The following CCDC7 variants were observed in gnomAD, a reference collection of about 807,000 sequenced individuals.
CCDC7 encodes coiled-coil domain containing 7, also known as coiled-coil domain-containing protein 7.
In CCDC7, 183 loss-of-function variants were observed where a neutral mutation model predicts 196.9. The observed-to-expected ratio is 0.93, with a 90% CI of 0.82 to 1.05. CCDC7 has a LOEUF of 1.05. Ranked by LOEUF, CCDC7 falls within the 50% of genes least tolerant of loss-of-function variation. The pLI is 0.00. For synonymous variants in CCDC7, 525 were observed against 484.6 expected (o/e 1.08, Z -1.10); for missense variants, 1,540 against 1,482.2 (o/e 1.04, Z -0.64).
chr10:32,780,711 G>A (rs2080914776), intron 29 of CCDC7, among the ~76,000 whole-genome samples: 1 of 152,032 alleles, frequency 6.6e-6, no homozygotes, highest in Admixed American at 6.6e-5. Context: ...TGGAATTAGA[G>A]GAAATGAAGA....
upstream of CCDC7, among the ~76,000 whole-genome samples, chr10:32,448,930 T>C (rs1028925284): frequency 6.6e-6 from 1 of 152,158 alleles, no homozygotes; most frequent in African/African-American, 2.4e-5. Context: ...CATTATTTTT[T>C]ATTCTTCAGC....
chr10:32,587,545 G>A lies in CCDC7; in HGVS notation c.1801+3241G>A, dbSNP rs150323346. Among the ~76,000 whole-genome samples, 34 of 152,300 alleles carry A rather than the reference G, an allele frequency of 2.2e-4. No individual in the cohort carries two copies. The East Asian group carries it at 4.6e-3, about 21-fold the overall frequency. ...AAAGAGCCTAACTCTCAACATTGTT[G>A]CACCAGGGATTAAGTTTCTAGTATA... is the stretch of plus-strand genomic sequence containing the variant. On this transcript the variant is annotated intron_variant, in intron 18 of 41. Transcript: ENST00000639629.
At chr10:32,672,704 T>TA (rs2074276622) in intron 21 of CCDC7, among the ~76,000 whole-genome samples, 1 of 152,140 alleles carries the variant, frequency 6.6e-6, no homozygotes, top group Non-Finnish European at 1.5e-5. Flanking sequence ...CTGATGCCCA[T>TA]AGCCTCCACC....
intron 18 of CCDC7, among the ~76,000 whole-genome samples, chr10:32,616,901 C>T (rs1228865073): frequency 6.6e-6 from 1 of 151,506 alleles, no homozygotes; most frequent in African/African-American, 2.4e-5. Context: ...TTTTTCTGTG[C>T]CTGTTGAAAT....
At chr10:32,680,427 C>CT (rs34351891) in intron 21 of CCDC7, among the ~76,000 whole-genome samples, 202 of 148,962 alleles carry the variant, frequency 1.4e-3, no homozygotes, top group African/African-American at 3.6e-3. Context: ...TATGTTCTTT[C>CT]TTTTTTTTTT....
chr10:32,556,361 C>T (rs1292822982), intron 13 of CCDC7, among the ~76,000 whole-genome samples: 3 of 152,104 alleles, frequency 2.0e-5, no homozygotes, highest in Admixed American at 2.0e-4. Flanking sequence ...GTTGATGGTT[C>T]CAGCAAGTAC....
chr10:32,692,726 T>C (rs1216449718), intron 23 of CCDC7, among the ~76,000 whole-genome samples: 1 of 152,218 alleles, frequency 6.6e-6, no homozygotes, highest in Non-Finnish European at 1.5e-5. Flanking sequence ...CTTATTCACT[T>C]ACTAGCATAT....
At chr10:32,797,593 A>G (rs1258592716) in intron 29 of CCDC7, among the ~76,000 whole-genome samples, 2 of 151,832 alleles carry the variant, frequency 1.3e-5, no homozygotes, top group African/African-American at 2.4e-5. Flanking sequence ...GGCGCACCAA[A>G]ATCTCACAAA....
intron 18 of CCDC7, among the ~76,000 whole-genome samples, chr10:32,600,084 G>A (rs949814296): frequency 6.6e-6 from 1 of 151,800 alleles, no homozygotes; most frequent in Non-Finnish European, 1.5e-5. Flanking sequence ...ATTAATTTTA[G>A]GATTTTTTTC....
chr10:32,664,098 A>G, exon 21 of CCDC7: 1 of 396,838 alleles, frequency 2.5e-6, no homozygotes, highest in Non-Finnish European at 4.5e-6. Context: ...TGAACAAGAC[A>G]CAAAGTCAAA....
At chr10:32,643,124 T>G (rs1591021108) in intron 20 of CCDC7, among the ~76,000 whole-genome samples, 1 of 152,200 alleles carries the variant, frequency 6.6e-6, no homozygotes, top group East Asian at 1.9e-4. Context: ...TGAATTCTCC[T>G]CCTATTATTT....
At chr10:32,485,255 C>T (rs2040812179) in intron 8 of CCDC7, among the ~76,000 whole-genome samples, 1 of 152,240 alleles carries the variant, frequency 6.6e-6, no homozygotes. Context: ...TTATCCATTT[C>T]TTCTAGATTT....
intron 9 of CCDC7, chr10:32,513,958 A>G (rs1366733988): frequency 1.3e-5 from 2 of 152,206 alleles, no homozygotes; most frequent in Non-Finnish European, 2.9e-5. Flanking sequence ...ACTTCTATTC[A>G]TCATTATAGT....
At chr10:32,804,950 CA>C (rs550861804) in intron 29 of CCDC7, 64 bp from the exon 31 acceptor site, 506 of 927,188 alleles carry the variant, frequency 5.5e-4, no homozygotes, top group African/African-American at 1.3e-3. Flanking sequence ...CACACACACA[CA>C]CCCCTCACAT....
At chr10:32,545,149 G>A (rs530017710) in intron 13 of CCDC7, among the ~76,000 whole-genome samples, 1 of 152,172 alleles carries the variant, frequency 6.6e-6, no homozygotes, top group African/African-American at 2.4e-5. Context: ...TCTCCTTATG[G>A]GCATTACTTG....
intron 9 of CCDC7, among the ~76,000 whole-genome samples, chr10:32,500,006 T>TACACAG (rs2043635290): frequency 1.3e-5 from 2 of 152,218 alleles, no homozygotes; most frequent in African/African-American, 4.8e-5. Context: ...TACTTCTTTC[T>TACACAG]ACACAGACAC....
chr10:32,709,129 T>A (rs969556288), intron 24 of CCDC7, among the ~76,000 whole-genome samples: 2 of 151,544 alleles, frequency 1.3e-5, no homozygotes, highest in African/African-American at 2.4e-5. Flanking sequence ...CACCATGGAG[T>A]ACTATGCAGC....
At chr10:32,466,495 C>T (rs969779513) in intron 5 of CCDC7, among the ~76,000 whole-genome samples, 2 of 152,154 alleles carry the variant, frequency 1.3e-5, no homozygotes, top group Admixed American at 6.6e-5. Context: ...CATCATTTAG[C>T]TCCCACTTAT....
chr10:32,552,404 T>G (rs895212593), intron 13 of CCDC7, among the ~76,000 whole-genome samples: 1 of 152,204 alleles, frequency 6.6e-6, no homozygotes, highest in Non-Finnish European at 1.5e-5. Flanking sequence ...AGTAATGAAA[T>G]GTGAGGTACT....
Sources: allele counts gnomAD v4.1 joint callset (sites outside exome capture counted in the v4.1 genomes callset), GRCh38; gene constraint gnomAD v4.1.1; transcripts MANE v1.5; gene names NCBI Gene and HGNC (gene_info 2026-07-23, HGNC 2026-07-21).